Variants in MTG1 observed in about 807,000 individuals in gnomAD.
MTG1 encodes the protein mitochondrial ribosome associated GTPase 1, also known as mitochondrial ribosome-associated GTPase 1.
Under a neutral mutation model 39.5 loss-of-function variants are expected in MTG1, and 30 were observed. That is an observed-to-expected ratio of 0.76 (90% confidence interval 0.57 to 1.03). The LOEUF (loss-of-function observed/expected upper bound fraction) is 1.03, where lower values mean the gene tolerates loss of function less well. Ranked by LOEUF, MTG1 falls within the 50% of genes least tolerant of loss-of-function variation. The pLI is 0.00. For synonymous variants in MTG1, 217 were observed against 179.0 expected, an observed-to-expected ratio of 1.21 and a Z score of -1.69; for missense variants, 513 against 447.4, an observed-to-expected ratio of 1.15 and a Z score of -1.32.
chr10:133,397,397 C>T (rs1036173732), intron 3 of MTG1, among the ~76,000 whole-genome samples: 7 of 142,960 alleles, frequency 4.9e-5, no homozygotes, highest in African/African-American at 1.4e-4. Flanking sequence ...ACATTTGGGG[C>T]CACTACCGGT....
At position 133,402,534 on chromosome 10, in the gene MTG1, A is replaced by G. The variant is rs1849898545; in HGVS notation, c.671-158A>G. 1 of 744,798 alleles carries G rather than the reference A, an allele frequency of 1.3e-6. No individual in the cohort carries two copies. Among genetic ancestry groups the G allele is most frequent in the Non-Finnish European group, 2.2e-6 (1 of 454,574 alleles). 46.1% of individuals were successfully genotyped at this position (744,798 alleles called of 1,614,324 possible). A position where few individuals can be genotyped will look rare whatever the true frequency, so the allele number is the denominator to read the frequency against. ...AGGCAGGAGTGGGGGCCGGGACCAC[A>G]GCCGAGTGCCGTCCTCTTGGTTAGT... On this transcript the variant is annotated intron_variant, in intron 8 of 10. Coordinates refer to ENST00000317502, the MANE Select transcript of MTG1 (RefSeq NM_138384.4). The surrounding 1 kb of genome is among the most constrained non-coding windows in gnomAD (Gnocchi z 4.7).
chr10:133,405,501 C>T (rs1275705186), intron 9 of MTG1, among the ~76,000 whole-genome samples: 1 of 152,238 alleles, frequency 6.6e-6, no homozygotes, highest in Non-Finnish European at 1.5e-5. Context: ...TCCATCCCCT[C>T]TTCCCCTCAC....
At chr10:133,394,407 G>T in intron 1 of MTG1, 75 bp downstream of exon 1, 1 of 1,350,594 alleles carries the variant, frequency 7.4e-7, no homozygotes, top group Non-Finnish European at 9.6e-7. Context: ...CCCGGTTTCG[G>T]CCGTCGCCTG....
chr10:133,402,137 G>A lies in MTG1; in HGVS notation c.574-12G>A. The A allele has an allele frequency of 6.2e-7, 1 of 1,613,956 alleles. No homozygotes were observed. The highest frequency in any genetic ancestry group is 8.5e-7 in the Non-Finnish European group (1 of 1,179,980). Reference sequence around the variant, plus strand: ...CCACCGCGGCCTGATCATGCCCTCTGTGCCCACACAGGTCTCTGAGCGGCC... The same window carrying A: ...CCACCGCGGCCTGATCATGCCCTCTATGCCCACACAGGTCTCTGAGCGGCC... On this transcript the variant is annotated splice_polypyrimidine_tract_variant and intron_variant, in intron 7 of 10. Transcript: ENST00000317502. The surrounding 1 kb of genome is among the most constrained non-coding windows in gnomAD (Gnocchi z 4.7).
In MTG1 at chr10:133,404,322, TC is replaced by T. The variant is rs568373035; in HGVS notation, c.752+1553del. ...TTGTATTTTTTGTAGAGACAGGGTT[TC>T]CCCATGTTGCCCAGGCTGGTCTTGA... On this transcript the variant is annotated intron_variant, in intron 9 of 10. Transcript: ENST00000317502. Among the ~76,000 whole-genome samples, 364 of 151,984 alleles carry T rather than the reference TC, an allele frequency of 2.4e-3. 1 individual carries two copies. The highest frequency in any genetic ancestry group is 8.5e-3 in the African/African-American group (351 of 41,448).
rs551231445 is a variant in MTG1, at chr10:133,413,958, C to T, written c.753-5522C>T. Among the ~76,000 whole-genome samples the T allele has an allele frequency of 7.0e-3, 992 of 141,654 alleles. 8 individuals are homozygous for T. The highest frequency in any genetic ancestry group is 0.021 in the African/African-American group (803 of 37,390). 92.9% of individuals were successfully genotyped at this position (141,654 alleles called of 152,430 possible). On this transcript the variant is annotated intron_variant, in intron 9 of 10. Transcript: ENST00000317502. ...TTATTGATCATTCTTGGGTGTTTCT[C>T]GCAGAGGGGGATTTGGCAGGGTCAC...
Position 133,402,701 on chromosome 10 carries a change from T to G in MTG1, c.680T>G (p.Leu227Arg). ...GCTGCTGCTTCCACAGGAACGGTGC[T>G]GGACCACCTGGTCGGGGAGGAGACC... ...GLKLALCGTV[L>R]DHLVGEETMA... Residue 227 changes from leucine (L) to arginine (R), a missense_variant, in exon 9 of 11, where the codon CTG (leucine) becomes CGG (arginine). Transcript: ENST00000317502. The surrounding 1 kb of genome is among the most constrained non-coding windows in gnomAD (Gnocchi z 4.7). 2 of 1,606,610 alleles carry G rather than the reference T, an allele frequency of 1.2e-6. No homozygotes were observed. The highest frequency in any genetic ancestry group is 1.7e-6 in the Non-Finnish European group (2 of 1,176,924).
At chr10:133,419,662 G>T in intron 10 of MTG1, 70 bp downstream of exon 10, 1 of 1,282,572 alleles carries the variant, frequency 7.8e-7, no homozygotes. Context: ...GCCATCCCTG[G>T]AGGAGGCAGG....
intron 1 of MTG1, 147 bp from the exon 2 acceptor site, chr10:133,395,566 A>G: frequency 2.7e-6 from 2 of 744,450 alleles, no homozygotes; most frequent in South Asian, 3.4e-5. Context: ...AGCGGATGTT[A>G]TCTGTTACCA....
At chr10:133,397,246 C>G (rs1849796512) in intron 3 of MTG1, among the ~76,000 whole-genome samples, 1 of 152,118 alleles carries the variant, frequency 6.6e-6, no homozygotes, top group East Asian at 1.9e-4. Context: ...CTCCCTCTCT[C>G]TCTGCCTTGG....
chr10:133,407,690 T>A (rs973929724), intron 9 of MTG1, among the ~76,000 whole-genome samples: 13 of 151,970 alleles, frequency 8.6e-5, no homozygotes, highest in African/African-American at 3.1e-4. Flanking sequence ...TGCCTCAGCC[T>A]CCCAAGTAGC....
intron 1 of MTG1, chr10:133,394,803 C>T (rs1849756444): frequency 5.3e-6 from 5 of 943,354 alleles, no homozygotes; most frequent in Non-Finnish European, 6.3e-6. Context: ...GTAATTCTTA[C>T]TGTTTGTCAC....
intron 9 of MTG1, among the ~76,000 whole-genome samples, chr10:133,418,032 C>T (rs1450441747): frequency 6.6e-6 from 1 of 152,198 alleles, no homozygotes; most frequent in Non-Finnish European, 1.5e-5. Flanking sequence ...TGGCATCTCA[C>T]TCTGTCGCCC....
At chr10:133,396,600 C>T (rs1053459677) in intron 3 of MTG1, among the ~76,000 whole-genome samples, 8 of 152,138 alleles carry the variant, frequency 5.3e-5, no homozygotes, top group Non-Finnish European at 1.0e-4. Flanking sequence ...AGGACACGAG[C>T]TTTTCCAGTG....
At chr10:133,410,322 G>T (rs775739073) in intron 9 of MTG1, among the ~76,000 whole-genome samples, 2 of 152,154 alleles carry the variant, frequency 1.3e-5, no homozygotes, top group Non-Finnish European at 2.9e-5. Flanking sequence ...CTCCCAAAGC[G>T]CTGGGATTAC....
At chr10:133,399,676 T>TGCTGATGC in intron 6 of MTG1, 57 bp downstream of exon 6, 2 of 1,541,608 alleles carry the variant, frequency 1.3e-6, no homozygotes, top group East Asian at 2.3e-5. Flanking sequence ...GTGGCTGATG[T>TGCTGATGC]GCTGATGCCA....
In MTG1 at chr10:133,404,546, A is replaced by G. The variant is rs117630719; in HGVS notation, c.752+1773A>G. Among the ~76,000 whole-genome samples the G allele has an allele frequency of 7.7e-3, 1,166 of 152,234 alleles. 8 individuals are homozygous for G. Among genetic ancestry groups the G allele is most frequent in the Middle Eastern group, 0.048 (14 of 294 alleles). ...TTAACAGTGTTTTCCGAGGAGTAGAATTGTTAATTTTCATGCAGTCCAGTT... is the reference window on the plus strand; with the variant it reads ...TTAACAGTGTTTTCCGAGGAGTAGAGTTGTTAATTTTCATGCAGTCCAGTT... On this transcript the variant is annotated intron_variant, in intron 9 of 10. Coordinates refer to ENST00000317502, the MANE Select transcript of MTG1 (RefSeq NM_138384.4).
intron 9 of MTG1, among the ~76,000 whole-genome samples, chr10:133,407,942 T>C (rs1232080177): frequency 1.3e-5 from 2 of 152,224 alleles, no homozygotes; most frequent in African/African-American, 4.8e-5. Flanking sequence ...TACTGAAACC[T>C]TTTTATCAGT....
intron 6 of MTG1, 88 bp downstream of exon 6, chr10:133,399,707 G>A (rs1441001041): frequency 3.6e-6 from 5 of 1,373,606 alleles, no homozygotes; most frequent in Admixed American, 3.5e-5. Flanking sequence ...TGGAGGGGAC[G>A]TGCCCGAGGA....
Sources: gnomAD v4.1 joint callset for allele counts (sites outside exome capture counted in the v4.1 genomes callset) on GRCh38, gnomAD v4.1.1 for gene constraint, Gnocchi (gnomAD v3.1) non-coding constraint, MANE v1.5 for transcripts, NCBI Gene and HGNC (gene_info 2026-07-23, HGNC 2026-07-21) for gene names.